The following BFAR variants were observed in gnomAD, a reference collection of about 807,000 sequenced individuals.
BFAR encodes the protein bifunctional apoptosis regulator.
A neutral mutation model predicts 54.4 loss-of-function variants in BFAR; 52 were observed. The ratio of observed to expected loss-of-function variants is 0.96; its 90% CI spans 0.77 to 1.21. The LOEUF (loss-of-function observed/expected upper bound fraction) is 1.21. Among genes scored for constraint, BFAR ranks in the 50% most tolerant of loss-of-function variants. The pLI, the probability that BFAR is intolerant of heterozygous loss-of-function variation, is 0.00. For synonymous variants in BFAR, 215 were observed against 204.3 expected (o/e 1.05, Z -0.45); for missense variants, 571 against 534.0 (o/e 1.07, Z -0.68).
chr16:14,665,035 TCTC>T lies in BFAR; in HGVS notation c.1127_1129del (p.Ser376del), dbSNP rs1231589163. On this transcript the variant is annotated inframe_deletion, in exon 7 of 8. Coordinates refer to ENST00000261658, the MANE Select transcript of BFAR (RefSeq NM_016561.3). Reference sequence around the variant, plus strand: ...ATGTTACTCTCAGTTCTGGAATTATTCTCCTTTTGGAGAATCTGGTCGAGAAGT... The same window carrying T: ...ATGTTACTCTCAGTTCTGGAATTATTCTTTTGGAGAATCTGGTCGAGAAGT... 6.2e-6 allele frequency: 10 copies of T among 1,614,136 alleles called. No homozygotes were observed. The highest frequency in any genetic ancestry group is 1.3e-5 in the African/African-American group (1 of 75,054).
At chr16:14,639,115 T>C (rs1383277940) in intron 1 of BFAR, among the ~76,000 whole-genome samples, 2 of 152,218 alleles carry the variant, frequency 1.3e-5, no homozygotes, top group East Asian at 3.9e-4. Flanking sequence ...GATAGATCCA[T>C]AGATGATCAT....
At chr16:14,651,230 TGG>T (rs1959957999) in intron 4 of BFAR, among the ~76,000 whole-genome samples, 1 of 152,210 alleles carries the variant, frequency 6.6e-6, no homozygotes, top group Non-Finnish European at 1.5e-5. Context: ...AGCTTCAAGT[TGG>T]GGTTCCCATG....
chr16:14,655,269 T>G, intron 5 of BFAR, 59 bp downstream of exon 5: 1 of 1,172,978 alleles, frequency 8.5e-7, no homozygotes, highest in East Asian at 3.1e-5. Context: ...TTTGTTAATT[T>G]TTTTTAATTT....
At chr16:14,640,643 C>A (rs1393990076) in intron 1 of BFAR, among the ~76,000 whole-genome samples, 1 of 152,108 alleles carries the variant, frequency 6.6e-6, no homozygotes, top group African/African-American at 2.4e-5. Flanking sequence ...GAGACTGTTC[C>A]AGGACACGGA....
rs1473612885 is a variant in BFAR at position 14,638,817 on chromosome 16, C to T, written c.-73-5457C>T. Among the ~76,000 whole-genome samples, 8 of 151,970 alleles carry T rather than the reference C, an allele frequency of 5.3e-5. 1 individual carries two copies. In the South Asian group the frequency reaches 1.5e-3, roughly 28 times the overall value. On this transcript the variant is annotated intron_variant, in intron 1 of 7. Transcript: ENST00000261658. Reference sequence around the variant, plus strand: ...AAAATTAGCCAGGCATGGTGCTGGGCGCCTGTAATCCCAGCTACTCAGGAG... The same window carrying T: ...AAAATTAGCCAGGCATGGTGCTGGGTGCCTGTAATCCCAGCTACTCAGGAG...
intron 2 of BFAR, 143 bp from the exon 3 acceptor site, chr16:14,648,245 C>T: frequency 1.5e-6 from 1 of 660,422 alleles, no homozygotes; most frequent in Non-Finnish European, 2.6e-6. Context: ...TTTGCTTTTA[C>T]CCACAGGACT....
rs564865371 is a variant in BFAR at position 14,636,394 on chromosome 16, CAT to C, written c.-74+3377_-74+3378del. On this transcript the variant is annotated intron_variant, in intron 1 of 7. Coordinates refer to ENST00000261658, the MANE Select transcript of BFAR (RefSeq NM_016561.3). Reference sequence around the variant, plus strand: ...AGTGGAGAGAAGGTCAGCAGATAAACATGTGAACAAAGGTCTCTGCATCATAG... The same window carrying C: ...AGTGGAGAGAAGGTCAGCAGATAAACGTGAACAAAGGTCTCTGCATCATAG... Among the ~76,000 whole-genome samples the C allele has an allele frequency of 2.1e-3, 317 of 152,322 alleles. 3 individuals are homozygous for C. Among genetic ancestry groups the C allele is most frequent in the African/African-American group, 7.3e-3 (303 of 41,568 alleles).
At chr16:14,652,440 G>A (rs1003892144) in intron 4 of BFAR, among the ~76,000 whole-genome samples, 15 of 150,604 alleles carry the variant, frequency 1.0e-4, no homozygotes, top group African/African-American at 3.2e-4. Context: ...GCCATCATGC[G>A]TGGCTAATTT....
chr16:14,665,069 GAAGT>G lies in BFAR; in HGVS notation c.1160+4_1160+7del. 3.7e-6 allele frequency: 6 copies of G among 1,608,734 alleles called. No homozygotes were observed. Among genetic ancestry groups the G allele is most frequent in the Middle Eastern group, 1.7e-4 (1 of 6,012 alleles). On this transcript the variant is annotated splice_donor_variant and coding_sequence_variant, in exon 7 of 8. Coordinates refer to ENST00000261658, the MANE Select transcript of BFAR (RefSeq NM_016561.3). LOFTEE classifies it high-confidence loss of function. ...GGAGAATCTGGTCGAGAAGTGAACT[GAAGT>G]AAGTATGTTTTAATGGTTGTCACAA...
intron 5 of BFAR, among the ~76,000 whole-genome samples, chr16:14,655,439 A>G (rs1410437359): frequency 2.7e-5 from 4 of 150,834 alleles, no homozygotes; most frequent in African/African-American, 9.7e-5. Flanking sequence ...ATCCTACCTC[A>G]GCCTCCAGAG....
chr16:14,659,897 A>G (rs375787816), intron 5 of BFAR, among the ~76,000 whole-genome samples: 2 of 152,334 alleles, frequency 1.3e-5, no homozygotes, highest in African/African-American at 4.8e-5. Context: ...TAAAAATGCA[A>G]TCATCATCAC....
At chr16:14,636,782 C>T (rs1378338241) in intron 1 of BFAR, among the ~76,000 whole-genome samples, 1 of 152,228 alleles carries the variant, frequency 6.6e-6, no homozygotes, top group Non-Finnish European at 1.5e-5. Flanking sequence ...CAATACCTGG[C>T]TTTCCTAGGC....
intron 1 of BFAR, among the ~76,000 whole-genome samples, chr16:14,635,495 A>G (rs561482811): frequency 6.6e-6 from 1 of 152,304 alleles, no homozygotes; most frequent in Non-Finnish European, 1.5e-5. Flanking sequence ...ATAGTACAGG[A>G]TAGGTCCTTG....
chr16:14,651,281 C>T (rs1269595846), intron 4 of BFAR, among the ~76,000 whole-genome samples: 2 of 152,150 alleles, frequency 1.3e-5, no homozygotes, highest in African/African-American at 4.8e-5. Context: ...TGGAGCAGCT[C>T]ACAGAACTCA....
At chr16:14,656,639 A>G (rs986444315) in intron 5 of BFAR, among the ~76,000 whole-genome samples, 6 of 152,130 alleles carry the variant, frequency 3.9e-5, no homozygotes, top group Non-Finnish European at 7.4e-5. Context: ...TGAGACTCCA[A>G]TGTTTGATTA....
chr16:14,651,152 T>C (rs1959956096), intron 4 of BFAR, among the ~76,000 whole-genome samples: 1 of 152,148 alleles, frequency 6.6e-6, no homozygotes, highest in Non-Finnish European at 1.5e-5. Context: ...GGGTGAGGGC[T>C]CTGTCCCCAA....
At chr16:14,667,449 T>A (rs931567209) in intron 7 of BFAR, 186 bp from the exon 8 acceptor site, 10 of 586,084 alleles carry the variant, frequency 1.7e-5, no homozygotes, top group African/African-American at 1.5e-4. Flanking sequence ...TCCCTGTAGG[T>A]CATGTCCTTG....
intron 1 of BFAR, among the ~76,000 whole-genome samples, chr16:14,637,535 G>A (rs1440515693): frequency 6.6e-6 from 1 of 152,098 alleles, no homozygotes; most frequent in Non-Finnish European, 1.5e-5. Flanking sequence ...TAAGGCCTCC[G>A]TAAATATTAA....
In BFAR at chr16:14,644,549, CAG is replaced by C. The variant is rs573654556; in HGVS notation, c.205_206del (p.Glu69MetfsTer23). 3.1e-6 allele frequency: 5 copies of C among 1,613,966 alleles called. No individual in the cohort carries two copies. The South Asian group carries it at 3.3e-5, about 11-fold the overall frequency. ...TTATGGTGGGCATCTTCAAAGAAAA[CAG>C]AATGTCCAGAATGCAGAGAAAAATG... On this transcript the variant is annotated frameshift_variant, in exon 2 of 8. Coordinates refer to ENST00000261658, the MANE Select transcript of BFAR (RefSeq NM_016561.3). LOFTEE classifies it high-confidence loss of function.
Sources: gnomAD v4.1 joint callset for allele counts (sites outside exome capture counted in the v4.1 genomes callset) on GRCh38, gnomAD v4.1.1 for gene constraint, MANE v1.5 for transcripts, NCBI Gene and HGNC (gene_info 2026-07-23, HGNC 2026-07-21) for gene names.